The following KCNN1 variants were observed in gnomAD, a reference collection of about 807,000 sequenced individuals.
KCNN1 encodes the protein small conductance calcium-activated potassium channel protein 1.
A neutral mutation model predicts 44.7 loss-of-function variants in KCNN1; 20 were observed. The ratio of observed to expected loss-of-function variants is 0.45; its 90% confidence interval spans 0.32 to 0.65. The LOEUF is 0.65. Ranked by LOEUF, KCNN1 falls within the 30% of genes least tolerant of loss-of-function variation. KCNN1 has a pLI of 0.05. For missense variants in KCNN1, 632 were observed against 785.3 expected (o/e 0.80, Z 2.33); for synonymous variants, 324 against 341.7 (o/e 0.95, Z 0.57).
Position 17,975,856 on chromosome 19 carries a change from G to A in KCNN1, c.498+669G>A, listed in dbSNP as rs958469950. ...CCCGAGTAGCTGGGACTACAGCTGCGCACCACCACACCTGGCTAATTTTTG... is the reference window on the plus strand; with the variant it reads ...CCCGAGTAGCTGGGACTACAGCTGCACACCACCACACCTGGCTAATTTTTG... On this transcript the variant is annotated intron_variant, in intron 3 of 9. Coordinates refer to ENST00000684775, the MANE Select transcript of KCNN1 (RefSeq NM_001386974.1). 5.3e-5 allele frequency among the ~76,000 whole-genome samples: 8 copies of A among 152,086 alleles called. No individual in the cohort carries two copies. In the East Asian group the frequency reaches 5.8e-4, roughly 11 times the overall value.
In KCNN1 at chr19:17,979,163, C is replaced by T. The variant is rs949494579; in HGVS notation, c.499-2546C>T. 5.4e-5 allele frequency among the ~76,000 whole-genome samples: 8 copies of T among 147,312 alleles called. No homozygotes were observed. In the East Asian group the frequency reaches 1.4e-3, roughly 26 times the overall value. ...CTTAAAAAAAAAAAAAAAAAAAGGCCGGGCTCACGACTGTAATCCCAGCAC... is the reference window on the plus strand; with the variant it reads ...CTTAAAAAAAAAAAAAAAAAAAGGCTGGGCTCACGACTGTAATCCCAGCAC... On this transcript the variant is annotated intron_variant, in intron 3 of 9. Transcript: ENST00000684775.
chr19:17,975,246 C>A, intron 3 of KCNN1, 59 bp downstream of exon 3: 2 of 1,266,514 alleles, frequency 1.6e-6, no homozygotes, highest in Non-Finnish European at 2.3e-6. Context: ...TCCCCCCACA[C>A]CAGCCCACCT....
intron 4 of KCNN1, among the ~76,000 whole-genome samples, chr19:17,984,432 G>A (rs2032525661): frequency 6.6e-6 from 1 of 152,110 alleles, no homozygotes; most frequent in Non-Finnish European, 1.5e-5. Flanking sequence ...GTTGGCCTCT[G>A]ACCTTGAACA....
At chr19:17,960,668 A>G (rs932801510) in intron 2 of KCNN1, among the ~76,000 whole-genome samples, 3 of 151,690 alleles carry the variant, frequency 2.0e-5, no homozygotes, top group African/African-American at 7.3e-5. Flanking sequence ...AACACACAAA[A>G]AGTTGTGCTG....
intron 2 of KCNN1, among the ~76,000 whole-genome samples, chr19:17,961,644 C>T (rs1034984441): frequency 3.4e-5 from 5 of 146,852 alleles, no homozygotes; most frequent in African/African-American, 5.1e-5. Context: ...TGCAATGGCA[C>T]AATCTTGGCT....
intron 9 of KCNN1, among the ~76,000 whole-genome samples, chr19:17,994,120 A>G (rs1471371301): frequency 3.3e-5 from 5 of 152,056 alleles, no homozygotes; most frequent in African/African-American, 4.8e-5. Flanking sequence ...GCAATTAAAC[A>G]TCTGTCAGGA....
At chr19:17,958,834 A>G (rs1175852908) in intron 2 of KCNN1, among the ~76,000 whole-genome samples, 1 of 150,048 alleles carries the variant, frequency 6.7e-6, no homozygotes, top group Non-Finnish European at 1.5e-5. Flanking sequence ...AGTAGCTGGG[A>G]CTACAGGCGC....
intron 1 of KCNN1, among the ~76,000 whole-genome samples, chr19:17,972,875 C>T (rs891058493): frequency 2.0e-5 from 3 of 152,182 alleles, no homozygotes; most frequent in Non-Finnish European, 4.4e-5. Flanking sequence ...TCCTGAGTGT[C>T]ATCTGTTTGC....
In KCNN1 at chr19:17,985,522, A is replaced by C. The variant is rs1367154480; in HGVS notation, c.1059+69A>C. On this transcript the variant is annotated intron_variant, in intron 5 of 9. Coordinates refer to ENST00000684775, the MANE Select transcript of KCNN1 (RefSeq NM_001386974.1). ...AGCTGCCCGCTCCACCAGCCCTTGCATACCCCTTGCTGACAGGGTGCTCAT... is the reference window on the plus strand; with the variant it reads ...AGCTGCCCGCTCCACCAGCCCTTGCCTACCCCTTGCTGACAGGGTGCTCAT... 8 of 1,426,390 alleles carry C rather than the reference A, an allele frequency of 5.6e-6. No homozygotes were observed. In the Admixed American group the frequency reaches 1.5e-4, roughly 27 times the overall value. 88.4% of individuals were successfully genotyped at this position (1,426,390 alleles called of 1,614,324 possible).
At chr19:17,985,198 C>T (rs546955041) in intron 4 of KCNN1, 114 bp from the exon 5 acceptor site, 56 of 1,023,288 alleles carry the variant, frequency 5.5e-5, no homozygotes, top group African/African-American at 3.3e-4. Flanking sequence ...ATAGCCCCAA[C>T]GCAGCGAGGT....
chr19:17,995,806 G>A (rs550341480), intron 9 of KCNN1, among the ~76,000 whole-genome samples: 166 of 149,762 alleles, frequency 1.1e-3, no homozygotes, highest in African/African-American at 3.9e-3. Context: ...GGCTGGTCTC[G>A]AACTCCTGAC....
In KCNN1 at chr19:17,975,073, T is replaced by A; in HGVS notation, c.403-19T>A. On this transcript the variant is annotated intron_variant, in intron 2 of 9. Coordinates refer to ENST00000684775, the MANE Select transcript of KCNN1 (RefSeq NM_001386974.1). Reference sequence around the variant, plus strand: ...ACCGCCTCCAGCGTCCATCTGGCTGTGTCCTCTCTCTTTACCAGGAGTCTC... The same window carrying A: ...ACCGCCTCCAGCGTCCATCTGGCTGAGTCCTCTCTCTTTACCAGGAGTCTC... The A allele has an allele frequency of 6.2e-7, 1 of 1,603,924 alleles. No individual in the cohort carries two copies. Among genetic ancestry groups the A allele is most frequent in the Middle Eastern group, 1.7e-4 (1 of 6,040 alleles).
At chr19:17,959,919 C>G (rs2031638915) in intron 2 of KCNN1, among the ~76,000 whole-genome samples, 1 of 151,468 alleles carries the variant, frequency 6.6e-6, no homozygotes, top group African/African-American at 2.4e-5. Flanking sequence ...CCCGTCTCTA[C>G]TAAAAATACA....
At chr19:17,951,729 C>G (rs893864239) in intron 1 of KCNN1, among the ~76,000 whole-genome samples, 1 of 152,324 alleles carries the variant, frequency 6.6e-6, no homozygotes, top group Admixed American at 6.5e-5. Context: ...CCTTCCAGCC[C>G]GGTCAACGTC....
At chr19:17,975,008 C>A in intron 2 of KCNN1, 84 bp from the exon 3 acceptor site, 2 of 1,040,584 alleles carry the variant, frequency 1.9e-6, no homozygotes, top group Non-Finnish European at 3.0e-6. Context: ...GACTCCCATG[C>A]CCGGGAGCCA....
At chr19:17,982,191 C>T (rs2032442080) in intron 4 of KCNN1, 64 bp downstream of exon 4, 1 of 1,319,632 alleles carries the variant, frequency 7.6e-7, no homozygotes, top group Non-Finnish European at 1.0e-6. Flanking sequence ...CCTCCATGCC[C>T]ATTCATGATT....
chr19:17,957,333 AGAAG>A (rs1395855786), intron 2 of KCNN1, among the ~76,000 whole-genome samples: 4 of 151,020 alleles, frequency 2.6e-5, no homozygotes, highest in East Asian at 2.0e-4. Context: ...AAGGAAGGAA[AGAAG>A]GAAGGAAGAA....
chr19:17,966,994 G>A (rs1352194637), upstream of KCNN1: 4 of 346,134 alleles, frequency 1.2e-5, no homozygotes, highest in African/African-American at 6.7e-5. Context: ...GGGAATGTGG[G>A]ATCTTTAAAT....
At chr19:17,994,653 C>T (rs536702613) in intron 9 of KCNN1, among the ~76,000 whole-genome samples, 1 of 152,210 alleles carries the variant, frequency 6.6e-6, no homozygotes, top group East Asian at 1.9e-4. Flanking sequence ...AAGCAATTCT[C>T]GTGCTTCAGC....
Sources: gnomAD v4.1 joint callset for allele counts (sites outside exome capture counted in the v4.1 genomes callset) on GRCh38, gnomAD v4.1.1 for gene constraint, MANE v1.5 for transcripts, NCBI Gene and HGNC (gene_info 2026-07-23, HGNC 2026-07-21) for gene names.